Variants in ARHGEF10L observed in about 807,000 individuals in gnomAD.
ARHGEF10L encodes Rho guanine nucleotide exchange factor 10 like.
ARHGEF10L carries 69 observed loss-of-function variants against 141.2 expected under a neutral mutation model. The observed-to-expected ratio is 0.49, with a 90% CI of 0.40 to 0.60. The LOEUF (loss-of-function observed/expected upper bound fraction) is 0.60. Ranked by LOEUF, ARHGEF10L falls within the 20% of genes least tolerant of loss-of-function variation. The pLI, the probability that ARHGEF10L is intolerant of heterozygous loss-of-function variation, is 0.00. For synonymous variants in ARHGEF10L, 711 were observed against 718.5 expected (o/e 0.99, Z 0.17); for missense variants, 1,482 against 1,734.3 (o/e 0.85, Z 2.58).
chr1:17,555,879 A>G (rs1167327234), intron 1 of ARHGEF10L, among the ~76,000 whole-genome samples: 1 of 151,972 alleles, frequency 6.6e-6, no homozygotes, highest in African/African-American at 2.4e-5. Flanking sequence ...TGTAATTGGA[A>G]CCACCCTGCC....
chr1:17,546,550 A>G (rs1366977987), intron 1 of ARHGEF10L, among the ~76,000 whole-genome samples: 1 of 152,162 alleles, frequency 6.6e-6, no homozygotes, highest in Non-Finnish European at 1.5e-5. Context: ...GCAGGATTTG[A>G]ACCCGGCAGG....
chr1:17,613,052 C>T lies in ARHGEF10L; in HGVS notation c.610-6C>T, dbSNP rs753815875. On this transcript the variant is annotated splice_polypyrimidine_tract_variant and splice_region_variant and intron_variant, in intron 7 of 28. Coordinates refer to ENST00000361221, the MANE Select transcript of ARHGEF10L (RefSeq NM_018125.4). ...TTTCCTTCTGCCTGGCCGCTTGGGG[C>T]TCCAGCTTTCTCCAGACCTGACTAG... The T allele has an allele frequency of 1.2e-6, 2 of 1,609,492 alleles. No homozygotes were observed. The highest frequency in any genetic ancestry group is 1.7e-6 in the Non-Finnish European group (2 of 1,176,254).
At chr1:17,567,817 A>G (rs910812664) in intron 1 of ARHGEF10L, among the ~76,000 whole-genome samples, 18 of 151,944 alleles carry the variant, frequency 1.2e-4, no homozygotes, top group African/African-American at 4.1e-4. Flanking sequence ...GGGAATTGGA[A>G]TGTCTCTTTG....
the ARHGEF10L span, among the ~76,000 whole-genome samples, chr1:17,517,392 T>G: frequency 6.6e-6 from 1 of 151,940 alleles, no homozygotes; most frequent in Non-Finnish European, 1.5e-5. Flanking sequence ...TGCGCAGTGG[T>G]GCAATCTCAG....
At chr1:17,588,026 G>C (rs1407542792) in intron 3 of ARHGEF10L, among the ~76,000 whole-genome samples, 2 of 152,190 alleles carry the variant, frequency 1.3e-5, no homozygotes, top group African/African-American at 4.8e-5. Context: ...GGCAACCCTG[G>C]GGGGCAGGAG....
At chr1:17,649,041 G>A (rs536108715) in intron 22 of ARHGEF10L, among the ~76,000 whole-genome samples, 46 of 152,348 alleles carry the variant, frequency 3.0e-4, no homozygotes, top group African/African-American at 1.0e-3. Flanking sequence ...CGGCTTTGGC[G>A]CAGGGATTGC....
intron 9 of ARHGEF10L, chr1:17,618,410 G>A (rs1306857323): frequency 1.3e-5 from 20 of 1,539,638 alleles, no homozygotes; most frequent in Non-Finnish European, 1.8e-5. Context: ...TGGGGTGGGT[G>A]CGGAGTGATG....
At chr1:17,645,359 AAGG>A (rs1330082729) in intron 21 of ARHGEF10L, among the ~76,000 whole-genome samples, 2 of 151,890 alleles carry the variant, frequency 1.3e-5, no homozygotes. Context: ...CACCATCTGG[AAGG>A]AGAAGGTCAG....
intron 1 of ARHGEF10L, among the ~76,000 whole-genome samples, chr1:17,568,573 G>C (rs2077858805): frequency 7.2e-5 from 11 of 152,214 alleles, no homozygotes; most frequent in Admixed American, 7.2e-4. Context: ...TGGGCAAGCA[G>C]TGGTGTCTCT....
intron 11 of ARHGEF10L, among the ~76,000 whole-genome samples, chr1:17,622,582 G>A (rs778553216): frequency 4.6e-5 from 7 of 152,134 alleles, no homozygotes; most frequent in Non-Finnish European, 8.8e-5. Flanking sequence ...CTAGGCATCA[G>A]GCAGGTAGAG....
At chr1:17,531,407 C>G in the ARHGEF10L span, among the ~76,000 whole-genome samples, 10 of 152,194 alleles carry the variant, frequency 6.6e-5, no homozygotes, top group Non-Finnish European at 1.3e-4. Context: ...AGCTTAACCC[C>G]TTGAGTTCTT....
At chr1:17,551,041 C>T (rs1204090088) in intron 1 of ARHGEF10L, among the ~76,000 whole-genome samples, 1 of 151,998 alleles carries the variant, frequency 6.6e-6, no homozygotes. Flanking sequence ...GTGCACCTGC[C>T]AGCAGGTGCA....
intron 1 of ARHGEF10L, among the ~76,000 whole-genome samples, chr1:17,548,405 T>A (rs2076988987): frequency 6.6e-6 from 1 of 151,962 alleles, no homozygotes; most frequent in African/African-American, 2.4e-5. Context: ...AAAAGAAAAG[T>A]ATTGGACTCT....
At chr1:17,590,267 T>G (rs757507134) in intron 4 of ARHGEF10L, among the ~76,000 whole-genome samples, 11 of 152,070 alleles carry the variant, frequency 7.2e-5, no homozygotes, top group Non-Finnish European at 1.5e-4. Context: ...GTGTGTACAT[T>G]TTTTGAGGAA....
rs1346495258 is a variant in ARHGEF10L, at chr1:17,654,205, G to A, written c.2395-431G>A. Among the ~76,000 whole-genome samples the A allele has an allele frequency of 2.0e-5, 3 of 152,204 alleles. No homozygotes were observed. The highest frequency in any genetic ancestry group is 4.4e-5 in the Non-Finnish European group (3 of 68,040). ...AGGCGGAAGGTGGTTACTGGTGACAGCGGTGACAGGCTGAGCCCTGGTTTC... is the reference window on the plus strand; with the variant it reads ...AGGCGGAAGGTGGTTACTGGTGACAACGGTGACAGGCTGAGCCCTGGTTTC... On this transcript the variant is annotated intron_variant, in intron 22 of 28. Coordinates refer to ENST00000361221, the MANE Select transcript of ARHGEF10L (RefSeq NM_018125.4). This position sits in a 1 kb window ranked among gnomAD's most constrained non-coding sequence, Gnocchi z 4.3.
In ARHGEF10L at chr1:17,655,330, C is replaced by A. The variant is rs201962236; in HGVS notation, c.2482-549C>A. On this transcript the variant is annotated intron_variant, in intron 23 of 28. Transcript: ENST00000361221. ...CCTACCTATCCATTTATCCATCCAA[C>A]AAGAATATATATTTAATCCATCCAT... Among the ~76,000 whole-genome samples, 4 of 151,974 alleles carry A rather than the reference C, an allele frequency of 2.6e-5. No individual in the cohort carries two copies. In the East Asian group the frequency reaches 7.7e-4, roughly 29 times the overall value.
In ARHGEF10L at chr1:17,607,942, G is replaced by A. The variant is rs140580322; in HGVS notation, c.574G>A (p.Glu192Lys). ...GGAGGCCAAGCCGGAGGTCGAGGTCGAGCCCGCCAAGCACCGAGTGTCCTT... is the reference window on the plus strand; with the variant it reads ...GGAGGCCAAGCCGGAGGTCGAGGTCAAGCCCGCCAAGCACCGAGTGTCCTT... Reference protein sequence around the residue: ...GEEAKPEVEVEPAKHRVSFQP... With the variant: ...GEEAKPEVEVKPAKHRVSFQP... The change falls in exon 7 of 29, where the codon GAG becomes AAG. Residue 192 changes from glutamate to lysine, a missense_variant. Transcript: ENST00000361221. The surrounding 1 kb of genome is among the most constrained non-coding windows in gnomAD (Gnocchi z 4.5). 1.8e-4 allele frequency: 271 copies of A among 1,505,292 alleles called. No individual in the cohort carries two copies. In the Middle Eastern group the frequency reaches 2.8e-3, roughly 16 times the overall value. The allele number at this position is 1,505,292 out of a possible 1,614,324, so 93.2% of individuals were successfully genotyped here.
chr1:17,533,632 C>T, the ARHGEF10L span, among the ~76,000 whole-genome samples: 1 of 152,156 alleles, frequency 6.6e-6, no homozygotes, highest in African/African-American at 2.4e-5. Context: ...TTGTTTCCCC[C>T]CAGATGCAGG....
At chr1:17,641,645 A>G (rs1411438922) in intron 21 of ARHGEF10L, among the ~76,000 whole-genome samples, 1 of 151,540 alleles carries the variant, frequency 6.6e-6, no homozygotes, top group Non-Finnish European at 1.5e-5. Flanking sequence ...AAACAAAACA[A>G]AACACAACAA....
Sources: allele counts gnomAD v4.1 joint callset (sites outside exome capture counted in the v4.1 genomes callset), GRCh38; gene constraint gnomAD v4.1.1; non-coding constraint Gnocchi (gnomAD v3.1); transcripts MANE v1.5; gene names NCBI Gene and HGNC (gene_info 2026-07-23, HGNC 2026-07-21).